PDE4D: variants seen among roughly 807,000 people sequenced by gnomAD.
PDE4D encodes the protein phosphodiesterase 4D, also known as 3',5'-cyclic-AMP phosphodiesterase 4D.
Under a neutral mutation model 87.4 loss-of-function variants are expected in PDE4D, and 24 were observed. The ratio of observed to expected loss-of-function variants is 0.27; its 90% CI spans 0.20 to 0.39. PDE4D has a LOEUF of 0.39. Ranked by LOEUF, PDE4D falls within the 10% of genes least tolerant of loss-of-function variation. The pLI is 1.00. For missense variants in PDE4D, 714 were observed against 1,041.0 expected, an observed-to-expected ratio of 0.69 and a Z score of 4.32; for synonymous variants, 384 against 383.2, an observed-to-expected ratio of 1.00 and a Z score of -0.02.
At chr5:59,248,042 T>TAAAAAA (rs70975306) in intron 1 of PDE4D, among the ~76,000 whole-genome samples, 2 of 37,492 alleles carry the variant, frequency 5.3e-5, no homozygotes, top group African/African-American at 1.3e-4. Context: ...TATCTATTAG[T>TAAAAAA]AAAAAAAAAA....
intron 1 of PDE4D, among the ~76,000 whole-genome samples, chr5:60,388,611 T>C (rs1024061667): frequency 6.6e-6 from 1 of 152,124 alleles, no homozygotes; most frequent in African/African-American, 2.4e-5. Context: ...CTGTGTTAGT[T>C]TGCTGAGGAT....
At chr5:59,498,552 A>G (rs1204368356) in intron 1 of PDE4D, among the ~76,000 whole-genome samples, 1 of 151,930 alleles carries the variant, frequency 6.6e-6, no homozygotes, top group Non-Finnish European at 1.5e-5. Flanking sequence ...AATGGCACCC[A>G]TAGGCTAGGC....
intron 1 of PDE4D, among the ~76,000 whole-genome samples, chr5:60,286,269 C>T (rs1752408581): frequency 6.6e-6 from 1 of 152,122 alleles, no homozygotes; most frequent in Non-Finnish European, 1.5e-5. Flanking sequence ...AAAGTAATAC[C>T]ATTCCCATGA....
intron 1 of PDE4D, among the ~76,000 whole-genome samples, chr5:59,855,475 G>T (rs1453766555): frequency 6.6e-6 from 1 of 152,114 alleles, no homozygotes; most frequent in Non-Finnish European, 1.5e-5. Flanking sequence ...TGCTCTCCAA[G>T]GGAACTTGTG....
chr5:59,534,222 C>CA (rs1320789362), intron 1 of PDE4D, among the ~76,000 whole-genome samples: 1 of 151,802 alleles, frequency 6.6e-6, no homozygotes, highest in Non-Finnish European at 1.5e-5. Context: ...ATTGGCAACC[C>CA]AAAAAAAGCA....
At chr5:59,726,947 C>T (rs1450737333) in intron 1 of PDE4D, among the ~76,000 whole-genome samples, 1 of 151,934 alleles carries the variant, frequency 6.6e-6, no homozygotes, top group Non-Finnish European at 1.5e-5. Context: ...ATGTGCCAGG[C>T]AATGCACTAA....
intron 1 of PDE4D, among the ~76,000 whole-genome samples, chr5:60,289,177 A>C (rs1198068263): frequency 6.6e-6 from 1 of 152,198 alleles, no homozygotes; most frequent in Non-Finnish European, 1.5e-5. Context: ...GTTTAAAGGA[A>C]AATGCGTTAG....
intron 1 of PDE4D, among the ~76,000 whole-genome samples, chr5:59,394,146 A>T (rs1363392968): frequency 6.6e-6 from 1 of 152,168 alleles, no homozygotes; most frequent in African/African-American, 2.4e-5. Flanking sequence ...ACCCACAGAG[A>T]TCTGCTATCT....
intron 1 of PDE4D, among the ~76,000 whole-genome samples, chr5:60,337,372 T>TACACACACACAC (rs1295111958): frequency 1.7e-5 from 2 of 116,998 alleles, no homozygotes; most frequent in African/African-American, 7.0e-5. Flanking sequence ...TATATATATA[T>TACACACACACAC]ATATATATAT....
intron 2 of PDE4D, among the ~76,000 whole-genome samples, chr5:60,011,380 C>T (rs1328052365): frequency 6.6e-6 from 1 of 151,990 alleles, no homozygotes; most frequent in Non-Finnish European, 1.5e-5. Context: ...TTGCTGACAC[C>T]TGTCCTAGAC....
chr5:59,939,806 A>C (rs1160560046), intron 3 of PDE4D, among the ~76,000 whole-genome samples: 1 of 152,172 alleles, frequency 6.6e-6, no homozygotes, highest in Non-Finnish European at 1.5e-5. Flanking sequence ...TGTGAACTTT[A>C]TCCTAAGAGA....
chr5:59,199,972 A>G (rs189102339), intron 2 of PDE4D, among the ~76,000 whole-genome samples: 42 of 149,762 alleles, frequency 2.8e-4, no homozygotes, highest in Non-Finnish European at 3.6e-4. Context: ...ACAGGCACAT[A>G]CATACATATA....
At chr5:59,635,453 C>T (rs1001710610) in intron 1 of PDE4D, among the ~76,000 whole-genome samples, 1 of 152,132 alleles carries the variant, frequency 6.6e-6, no homozygotes, top group African/African-American at 2.4e-5. Context: ...AATCTCAGGC[C>T]AAATATCCTT....
chr5:59,248,840 T>C (rs1276776850), intron 1 of PDE4D, among the ~76,000 whole-genome samples: 1 of 152,150 alleles, frequency 6.6e-6, no homozygotes. Context: ...AATAAACTTG[T>C]ATCCCTACCT....
At chr5:59,936,105 G>T (rs531654477) in intron 3 of PDE4D, among the ~76,000 whole-genome samples, 2 of 151,874 alleles carry the variant, frequency 1.3e-5, no homozygotes, top group Non-Finnish European at 2.9e-5. Flanking sequence ...GCAAACTATC[G>T]CAAGGACAAA....
At chr5:59,567,924 A>C (rs1821214842) in intron 1 of PDE4D, among the ~76,000 whole-genome samples, 1 of 152,228 alleles carries the variant, frequency 6.6e-6, no homozygotes, top group Non-Finnish European at 1.5e-5. Flanking sequence ...GTACATACAC[A>C]GGTTGGTATA....
chr5:59,079,338 G>GA (rs1358308384), intron 5 of PDE4D, among the ~76,000 whole-genome samples: 1 of 152,050 alleles, frequency 6.6e-6, no homozygotes, highest in African/African-American at 2.4e-5. Flanking sequence ...AAAAATTAGA[G>GA]AAAATTAAGA....
chr5:59,183,910 T>C (rs1056642852), intron 4 of PDE4D, among the ~76,000 whole-genome samples: 1 of 152,092 alleles, frequency 6.6e-6, no homozygotes, highest in Non-Finnish European at 1.5e-5. Flanking sequence ...GAACTGACAG[T>C]GTTCAGGAGC....
chr5:59,891,787 T>TCTCACA (rs112081545), intron 1 of PDE4D, among the ~76,000 whole-genome samples: 4 of 150,260 alleles, frequency 2.7e-5, no homozygotes, highest in African/African-American at 9.8e-5. Context: ...AGAGACATGC[T>TCTCACA]CACACACACA....
Sources: allele counts gnomAD v4.1 joint callset (sites outside exome capture counted in the v4.1 genomes callset), GRCh38; gene constraint gnomAD v4.1.1; transcripts MANE v1.5; gene names NCBI Gene and HGNC (gene_info 2026-07-23, HGNC 2026-07-21).